CACNA1D: variants seen among roughly 807,000 people sequenced by gnomAD.
CACNA1D encodes voltage-dependent L-type calcium channel subunit alpha-1D.
A neutral mutation model predicts 257.1 loss-of-function variants in CACNA1D; 55 were observed. The observed-to-expected ratio is 0.21, with a 90% confidence interval of 0.17 to 0.27. The LOEUF (loss-of-function observed/expected upper bound fraction) is 0.27. CACNA1D is among the 10% of genes least tolerant of loss of function. CACNA1D has a pLI of 1.00. For missense variants in CACNA1D, 1,876 were observed against 2,784.0 expected, an observed-to-expected ratio of 0.67 and a Z score of 7.34; for synonymous variants, 980 against 1,014.9, an observed-to-expected ratio of 0.97 and a Z score of 0.65.
At position 53,495,107 on chromosome 3, in the gene CACNA1D, C is replaced by A. The variant is rs1405990838; in HGVS notation, c.-60C>A. 18 of 1,389,942 alleles carry A rather than the reference C, an allele frequency of 1.3e-5. No individual in the cohort carries two copies. Among genetic ancestry groups the A allele is most frequent in the Non-Finnish European group, 1.5e-5 (15 of 987,198 alleles). The allele number at this position is 1,389,942 out of a possible 1,614,324, so 86.1% of individuals were successfully genotyped here. A position where few individuals can be genotyped will look rare whatever the true frequency, so the allele number is the denominator to read the frequency against. ...TGGTGATCCCCTTCCCCATTCCGCC[C>A]CCGCCTCAACGCCCAGCACAGTGCC... is the stretch of plus-strand genomic sequence containing the variant. On this transcript the variant is annotated 5_prime_UTR_variant, in exon 1 of 48. Coordinates refer to ENST00000350061, the MANE Select transcript of CACNA1D (RefSeq NM_001128840.3). The surrounding 1 kb of genome is among the most constrained non-coding windows in gnomAD (Gnocchi z 5.1).
Position 53,675,493 on chromosome 3 carries a change from A to G in CACNA1D, c.1220+2367A>G, listed in dbSNP as rs75475377. Among the ~76,000 whole-genome samples the G allele has an allele frequency of 5.4e-3, 820 of 152,340 alleles. 5 individuals are homozygous for G. Among genetic ancestry groups the G allele is most frequent in the Non-Finnish European group, 8.1e-3 (552 of 68,026 alleles). ...GGCCATGGAAACCACTAATTTTAAC[A>G]GTGCCGGTGACATCCCTTATCTTTT... On this transcript the variant is annotated intron_variant, in intron 8 of 47. Coordinates refer to ENST00000350061, the MANE Select transcript of CACNA1D (RefSeq NM_001128840.3).
chr3:53,495,361 G>T lies in CACNA1D; in HGVS notation c.67+128G>T. On this transcript the variant is annotated intron_variant, in intron 1 of 47. Coordinates refer to ENST00000350061, the MANE Select transcript of CACNA1D (RefSeq NM_001128840.3). The surrounding 1 kb of genome is among the most constrained non-coding windows in gnomAD (Gnocchi z 5.1). ...GAGAGGGTGCTGCCAGCTCGGTGTC[G>T]TCTACACAGAGAGGGGACATGCGTG... is the stretch of plus-strand genomic sequence containing the variant. 9.3e-7 allele frequency: 1 copy of T among 1,069,840 alleles called. No individual in the cohort carries two copies. Among genetic ancestry groups the T allele is most frequent in the Non-Finnish European group, 1.4e-6 (1 of 694,000 alleles). 66.3% of individuals were successfully genotyped at this position (1,069,840 alleles called of 1,614,324 possible).
At chr3:53,591,623 T>A (rs1461531168) in intron 3 of CACNA1D, among the ~76,000 whole-genome samples, 1 of 152,184 alleles carries the variant, frequency 6.6e-6, no homozygotes, top group Non-Finnish European at 1.5e-5. Flanking sequence ...AGCCTGTGTG[T>A]TGCTCTCTGT....
rs1484032321 is a variant in CACNA1D at position 53,660,964 on chromosome 3, G to A, written c.766+689G>A. The stretch of plus-strand genomic sequence containing the variant: ...GCCCTACCATACCACTCAGTGCCAG[G>A]CCCCAGTGTGCTTCTGGCTCCAGGC... On this transcript the variant is annotated intron_variant, in intron 5 of 47. Coordinates refer to ENST00000350061, the MANE Select transcript of CACNA1D (RefSeq NM_001128840.3). 3.3e-5 allele frequency among the ~76,000 whole-genome samples: 5 copies of A among 152,318 alleles called. No individual in the cohort carries two copies. In the East Asian group the frequency reaches 7.7e-4, roughly 23 times the overall value.
chr3:53,671,186 A>C (rs1354925111), intron 7 of CACNA1D, among the ~76,000 whole-genome samples: 2 of 152,226 alleles, frequency 1.3e-5, no homozygotes, highest in Non-Finnish European at 2.9e-5. Flanking sequence ...TAGAGAAGAC[A>C]GCTGTTACTA....
chr3:53,582,639 G>A (rs1047644588), intron 3 of CACNA1D, among the ~76,000 whole-genome samples: 1 of 152,136 alleles, frequency 6.6e-6, no homozygotes, highest in African/African-American at 2.4e-5. Flanking sequence ...GGATTCTCAG[G>A]ATCTGGTTGC....
chr3:53,771,676 T>A (rs1192433310), intron 32 of CACNA1D, among the ~76,000 whole-genome samples: 1 of 152,244 alleles, frequency 6.6e-6, no homozygotes, highest in East Asian at 1.9e-4. Flanking sequence ...TAAAAATAGA[T>A]AATTCAGAGG....
intron 38 of CACNA1D, among the ~76,000 whole-genome samples, chr3:53,781,352 A>AT (rs1255307509): frequency 1.3e-5 from 2 of 152,150 alleles, no homozygotes; most frequent in African/African-American, 4.8e-5. Context: ...GTTTGTTCCC[A>AT]TGGTGGAGGG....
At chr3:53,746,633 G>A (rs147011362) in intron 25 of CACNA1D, among the ~76,000 whole-genome samples, 1 of 152,182 alleles carries the variant, frequency 6.6e-6, no homozygotes, top group Non-Finnish European at 1.5e-5. Flanking sequence ...ATTTGGCTGT[G>A]TCTCTGCACC....
At chr3:53,680,448 G>A (rs1427788926) in intron 8 of CACNA1D, among the ~76,000 whole-genome samples, 1 of 152,064 alleles carries the variant, frequency 6.6e-6, no homozygotes, top group Non-Finnish European at 1.5e-5. Context: ...ATGGAGAGCT[G>A]TGTGCTGAGT....
At position 53,715,104 on chromosome 3, in the gene CACNA1D, T is replaced by G. The variant is rs3774547; in HGVS notation, c.1391-3197T>G. 4.5e-3 allele frequency among the ~76,000 whole-genome samples: 682 copies of G among 152,268 alleles called. 23 individuals are homozygous for G. The highest frequency in any genetic ancestry group is 0.04 in the Admixed American group (610 of 15,284). On this transcript the variant is annotated intron_variant, in intron 9 of 47. Coordinates refer to ENST00000350061, the MANE Select transcript of CACNA1D (RefSeq NM_001128840.3). ...GATCCTGTGATAGGGAGTAAGTGGCTGGAGAAGGTAGGCTGCCAGGGCCCT... is the reference window on the plus strand; with the variant it reads ...GATCCTGTGATAGGGAGTAAGTGGCGGGAGAAGGTAGGCTGCCAGGGCCCT...
chr3:53,752,050 G>A, intron 28 of CACNA1D, 143 bp downstream of exon 28: 1 of 806,452 alleles, frequency 1.2e-6, no homozygotes, highest in South Asian at 1.4e-5. Context: ...CCAGAGTTCT[G>A]TTCTGGCTGA....
At chr3:53,718,548 A>G in intron 10 of CACNA1D, 160 bp downstream of exon 10, 4 of 1,040,758 alleles carry the variant, frequency 3.8e-6, no homozygotes, top group Middle Eastern at 2.9e-4. Context: ...CTCCTGTGCC[A>G]GGGCTATCCC....
intron 29 of CACNA1D, among the ~76,000 whole-genome samples, chr3:53,756,382 A>G (rs4687738): frequency 0.019 from 2,957 of 152,220 alleles, 82 homozygotes; most frequent in African/African-American, 0.068. Flanking sequence ...AGAGGGAGAA[A>G]ACTCCGAGCT....
chr3:53,722,535 G>A, intron 12 of CACNA1D, 61 bp downstream of exon 12: 1 of 1,528,112 alleles, frequency 6.5e-7, no homozygotes, highest in Non-Finnish European at 9.1e-7. Flanking sequence ...CTGTCCAACT[G>A]CCATTTGGTC....
In CACNA1D at chr3:53,776,655, G is replaced by A. The variant is rs781726820; in HGVS notation, c.4415G>A (p.Arg1472Gln). 6 of 1,613,996 alleles carry A rather than the reference G, an allele frequency of 3.7e-6. No individual in the cohort carries two copies. The highest frequency in any genetic ancestry group is 1.1e-5 in the South Asian group (1 of 91,076). ...ATGGATAATTTCGACTATCTGACCCGGGACTGGTCTATTTTGGGGCCTCAC... is the reference window on the plus strand; with the variant it reads ...ATGGATAATTTCGACTATCTGACCCAGGACTGGTCTATTTTGGGGCCTCAC... ...VIMDNFDYLTRDWSILGPHHL... is the reference protein window; with the variant it reads ...VIMDNFDYLTQDWSILGPHHL... Residue 1472 changes from arginine (R) to glutamine (Q), a missense_variant, in exon 36 of 48, where the codon CGG becomes CAG. This residue lies in a region of CACNA1D where 83 missense variants were observed against 210.7 expected (regional missense o/e 0.39). Coordinates refer to ENST00000350061, the MANE Select transcript of CACNA1D (RefSeq NM_001128840.3).
chr3:53,504,414 G>T (rs946959880), intron 3 of CACNA1D, among the ~76,000 whole-genome samples: 3 of 152,182 alleles, frequency 2.0e-5, no homozygotes, highest in South Asian at 2.1e-4. Context: ...ATGTGTCTTT[G>T]TTCTAGATAG....
intron 3 of CACNA1D, among the ~76,000 whole-genome samples, chr3:53,626,233 G>A (rs1028843625): frequency 1.3e-5 from 2 of 152,202 alleles, no homozygotes; most frequent in Non-Finnish European, 2.9e-5. Context: ...TCAGAGGGAT[G>A]AAGAGGAGGG....
At chr3:53,555,911 C>T (rs2092636650) in intron 3 of CACNA1D, among the ~76,000 whole-genome samples, 1 of 152,154 alleles carries the variant, frequency 6.6e-6, no homozygotes, top group Non-Finnish European at 1.5e-5. Flanking sequence ...TGTTGTATCT[C>T]TTACCACAAT....
Sources: allele counts gnomAD v4.1 joint callset (sites outside exome capture counted in the v4.1 genomes callset), GRCh38; gene constraint gnomAD v4.1.1; regional missense constraint gnomAD v4.1.1; non-coding constraint Gnocchi (gnomAD v3.1); transcripts MANE v1.5; gene names NCBI Gene and HGNC (gene_info 2026-07-23, HGNC 2026-07-21).